Variants in TEDC2 observed in about 807,000 individuals in gnomAD.
The protein encoded by TEDC2 is tubulin epsilon and delta complex protein 2.
In TEDC2, 49 loss-of-function variants were observed where a neutral mutation model predicts 48.1. That is an observed-to-expected ratio of 1.02 (90% CI 0.81 to 1.29). The LOEUF is 1.29. Among genes scored for constraint, TEDC2 ranks in the 50% most tolerant of loss-of-function variants. The pLI is 0.00. For synonymous variants in TEDC2, 299 were observed against 247.1 expected (o/e 1.21, Z -1.97); for missense variants, 631 against 571.4 (o/e 1.10, Z -1.06).
At position 2,460,126 on chromosome 16, in the gene TEDC2, AG is replaced by A; in HGVS notation, c.-17del. The A allele has an allele frequency of 7.5e-7, 1 of 1,338,192 alleles. No individual in the cohort carries two copies. The highest frequency in any genetic ancestry group is 9.5e-7 in the Non-Finnish European group (1 of 1,052,470). 82.9% of individuals were successfully genotyped at this position (1,338,192 alleles called of 1,614,324 possible). ...GGCTCTTCAGAGGCGGCAAATTGCA[AG>A]GAGACGCCGCCGCCTTCATGCTGCC... On this transcript the variant is annotated 5_prime_UTR_variant, in exon 1 of 10. Transcript: ENST00000361837.
At chr16:2,463,639 A>AAAAGAG (rs1567396328) in intron 8 of TEDC2, among the ~76,000 whole-genome samples, 2 of 152,114 alleles carry the variant, frequency 1.3e-5, no homozygotes, top group Non-Finnish European at 2.9e-5. Context: ...AAAAAAAAAA[A>AAAAGAG]AAAGAGAAAG....
chr16:2,462,864 C>T, intron 8 of TEDC2, 132 bp downstream of exon 8: 3 of 766,370 alleles, frequency 3.9e-6, no homozygotes, highest in South Asian at 3.7e-5. Context: ...TGGGCCCCTC[C>T]ACCCCTCCCA....
intron 8 of TEDC2, 134 bp downstream of exon 8, chr16:2,462,866 C>A: frequency 3.9e-6 from 3 of 767,036 alleles, no homozygotes; most frequent in African/African-American, 1.8e-5. Context: ...GGCCCCTCCA[C>A]CCCTCCCACG....
At chr16:2,462,796 C>T (rs958444683) in intron 8 of TEDC2, 64 bp downstream of exon 8, 7 of 1,415,780 alleles carry the variant, frequency 4.9e-6, no homozygotes, top group Non-Finnish European at 5.7e-6. Context: ...GGTGCTTTAG[C>T]CAGGCTTGTC....
chr16:2,460,563 G>T, intron 2 of TEDC2, 60 bp from the exon 3 acceptor site: 7 of 1,598,146 alleles, frequency 4.4e-6, no homozygotes, highest in Admixed American at 1.8e-5. Flanking sequence ...CGGCCCCCTC[G>T]GGTCTGTTTG....
chr16:2,464,249 T>G lies in TEDC2; in HGVS notation c.1155+20T>G, dbSNP rs1596941574. On this transcript the variant is annotated intron_variant, in intron 9 of 9. Transcript: ENST00000361837. ...GAAAAGGTGCTTCTGGAAGAGGAGGTGGGGGTGCAACAGAGGTCCGCAGCC... is the reference window on the plus strand; with the variant it reads ...GAAAAGGTGCTTCTGGAAGAGGAGGGGGGGGTGCAACAGAGGTCCGCAGCC... The G allele has an allele frequency of 6.2e-7, 1 of 1,606,932 alleles. No individual in the cohort carries two copies. Among genetic ancestry groups the G allele is most frequent in the East Asian group, 2.2e-5 (1 of 44,652 alleles).
rs757310420 is a variant in TEDC2 at position 2,462,504 on chromosome 16, C to A, written c.840C>A (p.Arg280=). ...LRKACSLLRL[R]MREELSAAPM... is the part of the protein sequence containing the mutation. ...AGGCCTGCTCGCTGCTGAGACTGCG[C>A]ATGAGGGAGGAGCTCTCGGCAGGTC... The change falls in exon 7 of 10, where the codon CGC becomes CGA. Residue 280 remains arginine, a synonymous_variant. Coordinates refer to ENST00000361837, the MANE Select transcript of TEDC2 (RefSeq NM_025108.3). 1.2e-6 allele frequency: 2 copies of A among 1,606,210 alleles called. No homozygotes were observed. The highest frequency in any genetic ancestry group is 1.7e-6 in the Non-Finnish European group (2 of 1,176,772).
rs1308479220 is a variant in TEDC2, at chr16:2,461,108, G to A, written c.489G>A (p.Gly163=). Residue 163 remains glycine (G), a synonymous_variant, in exon 4 of 10, where the codon GGG becomes GGA. Coordinates refer to ENST00000361837, the MANE Select transcript of TEDC2 (RefSeq NM_025108.3). ...GCCGGCTGCTGTCAGTGGGGGATGG[G>A]ACCCGTGTTGGGATGGGAGCCCGAA... The part of the protein sequence containing the change: ...PERRLLSVGD[G]TRVGMGARTP... The A allele has an allele frequency of 6.3e-7, 1 of 1,583,368 alleles. No homozygotes were observed. The highest frequency in any genetic ancestry group is 1.1e-5 in the South Asian group (1 of 87,164).
chr16:2,462,711 A>G lies in TEDC2; in HGVS notation c.943A>G (p.Arg315Gly). 1.3e-6 allele frequency: 2 copies of G among 1,543,312 alleles called. No homozygotes were observed. The highest frequency in any genetic ancestry group is 1.2e-5 in the South Asian group (1 of 83,902). ...LQAMVGQCLHRLQELRAAVAE... is the reference protein window; with the variant it reads ...LQAMVGQCLHGLQELRAAVAE... ...GGCCATGGTGGGCCAGTGTCTGCAC[A>G]GGCTGCAGGAGCTGCGTGCAGGTGA... Residue 315 changes from arginine (R) to glycine (G), a missense_variant, in exon 8 of 10, where the codon AGG (arginine) becomes GGG (glycine). Arg to Gly is a moderately radical substitution (Grantham distance 125). Coordinates refer to ENST00000361837, the MANE Select transcript of TEDC2 (RefSeq NM_025108.3).
At chr16:2,463,365 G>A (rs1283973193) in intron 8 of TEDC2, among the ~76,000 whole-genome samples, 1 of 151,832 alleles carries the variant, frequency 6.6e-6, no homozygotes, top group East Asian at 1.9e-4. Context: ...AGTGGCTCAC[G>A]CCTGTAATCC....
Position 2,464,495 on chromosome 16 carries a change from C to T in TEDC2, c.1156-27C>T, listed in dbSNP as rs557958189. On this transcript the variant is annotated intron_variant, in intron 9 of 9. Transcript: ENST00000361837. ...CCCCCCGCCTAGGTGCCCCTGAGAC[C>T]TTGGCCCTGCCCTGCCCTGCCCCCA... 3 of 1,533,798 alleles carry T rather than the reference C, an allele frequency of 2.0e-6. No homozygotes were observed. The African/African-American group carries it at 4.1e-5, about 21-fold the overall frequency.
rs1216493620 is a variant in TEDC2 at position 2,462,135 on chromosome 16, C to T, written c.660-14C>T. ...CTCTGTGGTTCCTCTGTGCACCCCA[C>T]GTGTGCACCCCAGCCTGTGGGCCCA... On this transcript the variant is annotated splice_polypyrimidine_tract_variant and intron_variant, in intron 5 of 9. Coordinates refer to ENST00000361837, the MANE Select transcript of TEDC2 (RefSeq NM_025108.3). 9.3e-6 allele frequency: 15 copies of T among 1,607,422 alleles called. No individual in the cohort carries two copies. Among genetic ancestry groups the T allele is most frequent in the Admixed American group, 1.7e-5 (1 of 59,998 alleles).
chr16:2,461,292 G>C, intron 4 of TEDC2, 68 bp downstream of exon 4: 1 of 1,426,786 alleles, frequency 7.0e-7, no homozygotes, highest in Non-Finnish European at 9.2e-7. Context: ...CTAGCAAGGA[G>C]CCTGGGATTT....
rs769601549 is a variant in TEDC2 at position 2,464,028 on chromosome 16, T to C, written c.965-11T>C. ...TGCTACCCCAAAGGCCACATTCTCC[T>C]GTGCACACAGCGGTGGCGGAACAGC... On this transcript the variant is annotated splice_polypyrimidine_tract_variant and intron_variant, in intron 8 of 9. Transcript: ENST00000361837. The C allele has an allele frequency of 6.2e-7, 1 of 1,609,660 alleles. No individual in the cohort carries two copies.
At position 2,460,584 on chromosome 16, in the gene TEDC2, T is replaced by G. The variant is rs1189413175; in HGVS notation, c.126-39T>G. The G allele has an allele frequency of 3.4e-5, 54 of 1,610,714 alleles. 1 individual carries two copies. The highest frequency in any genetic ancestry group is 4.4e-5 in the Non-Finnish European group (52 of 1,179,150). On this transcript the variant is annotated intron_variant, in intron 2 of 9. Coordinates refer to ENST00000361837, the MANE Select transcript of TEDC2 (RefSeq NM_025108.3). ...CCTCGGGTCTGTTTGGGCTGGGCCC[T>G]GCCTCCTGGCCGTGCGACGGCTGCC...
intron 9 of TEDC2, 61 bp from the exon 10 acceptor site, chr16:2,464,461 C>A: frequency 6.7e-7 from 1 of 1,484,040 alleles, no homozygotes; most frequent in Non-Finnish European, 9.0e-7. Context: ...GAAGCCTGTC[C>A]CAGGATTGCC....
rs756515076 is a variant in TEDC2 at position 2,463,929 on chromosome 16, C to G, written c.965-110C>G. Reference sequence around the variant, plus strand: ...GGGGCTGTCCTGAAAGCCCACCTTTCTCCTAAAGGCAGGGCAGGTGGTGCA... The same window carrying G: ...GGGGCTGTCCTGAAAGCCCACCTTTGTCCTAAAGGCAGGGCAGGTGGTGCA... On this transcript the variant is annotated intron_variant, in intron 8 of 9. Coordinates refer to ENST00000361837, the MANE Select transcript of TEDC2 (RefSeq NM_025108.3). The G allele has an allele frequency of 1.1e-5, 13 of 1,229,960 alleles. No homozygotes were observed. In the Admixed American group the frequency reaches 3.2e-4, roughly 31 times the overall value. 76.2% of individuals were successfully genotyped at this position (1,229,960 alleles called of 1,614,324 possible).
chr16:2,460,964 T>G lies in TEDC2; in HGVS notation c.345T>G (p.Ser115=). The part of the protein sequence containing the change: ...SLKSRSIVTS[S]GTTASAPPHS... ...AATCTAGGTCCATTGTCACCTCTTC[T>G]GGCACGACAGCCTCCGCCCCACCGC... Residue 115 remains serine, a synonymous_variant, in exon 4 of 10, where the codon TCT becomes TCG. Coordinates refer to ENST00000361837, the MANE Select transcript of TEDC2 (RefSeq NM_025108.3). 1 of 1,613,454 alleles carries G rather than the reference T, an allele frequency of 6.2e-7. No homozygotes were observed. Among genetic ancestry groups the G allele is most frequent in the Non-Finnish European group, 8.5e-7 (1 of 1,180,004 alleles).
In TEDC2 at chr16:2,460,702, C is replaced by A. The variant is rs767854352; in HGVS notation, c.196+9C>A. ...AGAGGACCCCCTTCCAGGTAAACCT[C>A]CACCACCCGCCTTCTCCAGGTGCTG... On this transcript the variant is annotated intron_variant, in intron 3 of 9. Coordinates refer to ENST00000361837, the MANE Select transcript of TEDC2 (RefSeq NM_025108.3). The A allele has an allele frequency of 6.2e-6, 10 of 1,612,894 alleles. No homozygotes were observed. In the East Asian group the frequency reaches 2.0e-4, roughly 32 times the overall value.
Sources: gnomAD v4.1 joint callset for allele counts (sites outside exome capture counted in the v4.1 genomes callset) on GRCh38, gnomAD v4.1.1 for gene constraint, MANE v1.5 for transcripts, NCBI Gene and HGNC (gene_info 2026-07-23, HGNC 2026-07-21) for gene names.